Variants in CCT6B observed in about 807,000 individuals in gnomAD.
CCT6B encodes the protein probable T-complex protein 1 subunit zeta-2.
A neutral mutation model predicts 61.5 loss-of-function variants in CCT6B; 49 were observed. The observed-to-expected ratio is 0.80, with a 90% CI of 0.63 to 1.01. The LOEUF is 1.01. CCT6B is among the 50% of genes least tolerant of loss of function. The probability of loss-of-function intolerance (pLI) is 0.00; values close to 1 mark genes in which losing one functional copy is unlikely to be tolerated. For missense variants in CCT6B, 666 were observed against 634.7 expected, an observed-to-expected ratio of 1.05 and a Z score of -0.53; for synonymous variants, 228 against 214.5, an observed-to-expected ratio of 1.06 and a Z score of -0.55.
chr17:34,943,741 G>T (rs954697789), intron 5 of CCT6B: 2 of 150,016 alleles, frequency 1.3e-5, no homozygotes, highest in African/African-American at 4.9e-5. Flanking sequence ...TTGTGCACAT[G>T]TACTCTAAAA....
chr17:34,934,263 C>T (rs2090070349), intron 10 of CCT6B, among the ~76,000 whole-genome samples: 1 of 151,224 alleles, frequency 6.6e-6, no homozygotes, highest in Non-Finnish European at 1.5e-5. Flanking sequence ...AAATTTATAT[C>T]ACTACAGATT....
At chr17:34,943,369 C>T (rs562044112) in intron 5 of CCT6B, 1 of 152,352 alleles carries the variant, frequency 6.6e-6, no homozygotes, top group East Asian at 1.9e-4. Flanking sequence ...TTCTTAGGAA[C>T]ATTTATTCAA....
intron 3 of CCT6B, 39 bp downstream of exon 3, chr17:34,958,521 G>C: frequency 7.6e-7 from 1 of 1,307,362 alleles, no homozygotes; most frequent in East Asian, 2.7e-5. Flanking sequence ...AAAATAATTT[G>C]CCATTCAAAA....
chr17:34,945,739 G>C (rs2090216415), intron 5 of CCT6B, among the ~76,000 whole-genome samples: 1 of 152,062 alleles, frequency 6.6e-6, no homozygotes, highest in Non-Finnish European at 1.5e-5. Context: ...GCAATAGTAG[G>C]CTAACTGAGA....
intron 5 of CCT6B, among the ~76,000 whole-genome samples, chr17:34,945,275 T>C (rs2090210587): frequency 6.6e-6 from 1 of 152,240 alleles, no homozygotes; most frequent in African/African-American, 2.4e-5. Flanking sequence ...ATACTTCTAG[T>C]GCAGACCTCT....
Position 34,958,676 on chromosome 17 carries a change from C to T in CCT6B, c.220G>A (p.Ala74Thr), listed in dbSNP as rs1247945839. The T allele has an allele frequency of 1.9e-6, 3 of 1,597,182 alleles. No homozygotes were observed. Among genetic ancestry groups the T allele is most frequent in the Non-Finnish European group, 1.7e-6 (2 of 1,172,446 alleles). The change falls in exon 3 of 14, where the codon GCT becomes ACT. Residue 74 changes from alanine to threonine, a missense_variant. Ala to Thr is a moderately conservative substitution (Grantham distance 58). Transcript: ENST00000314144. ...GTTGCTACTTTTGCTATCAAGGAAGCTGTTGGATGTTGAATTTGCTGGAAA... is the reference window on the plus strand; with the variant it reads ...GTTGCTACTTTTGCTATCAAGGAAGTTGTTGGATGTTGAATTTGCTGGAAA... ...LDEMQIQHPT[A>T]SLIAKVATAQ...
Position 34,927,996 on chromosome 17 carries a change from G to A in CCT6B, c.*52C>T, listed in dbSNP as rs2089986964. ...TCAGGCTACACAATAGTAGTCAGAT[G>A]TAAAGTGTACTAAATTTCATCTTCT... On this transcript the variant is annotated 3_prime_UTR_variant, in exon 14 of 14. Transcript: ENST00000314144. 7.6e-7 allele frequency: 1 copy of A among 1,318,612 alleles called. No individual in the cohort carries two copies. The highest frequency in any genetic ancestry group is 2.3e-5 in the East Asian group (1 of 42,674). 81.7% of individuals were successfully genotyped at this position (1,318,612 alleles called of 1,614,324 possible).
At chr17:34,960,218 A>G (rs967436303) in intron 1 of CCT6B, among the ~76,000 whole-genome samples, 40 of 152,184 alleles carry the variant, frequency 2.6e-4, no homozygotes, top group African/African-American at 9.2e-4. Context: ...AAAGTCCTCC[A>G]ATGATTTTTA....
intron 3 of CCT6B, among the ~76,000 whole-genome samples, chr17:34,956,403 G>C (rs981859762): frequency 2.0e-5 from 3 of 152,128 alleles, no homozygotes; most frequent in Non-Finnish European, 4.4e-5. Flanking sequence ...AGTTCTTCCT[G>C]ACTACTTCAG....
chr17:34,947,166 G>T (rs1431649174), intron 5 of CCT6B, among the ~76,000 whole-genome samples: 1 of 152,036 alleles, frequency 6.6e-6, no homozygotes, highest in African/African-American at 2.4e-5. Flanking sequence ...AAGACAAAAA[G>T]TACATAAAAA....
chr17:34,942,318 C>T (rs1262426926), intron 7 of CCT6B, among the ~76,000 whole-genome samples, 166 bp downstream of exon 7: 1 of 151,916 alleles, frequency 6.6e-6, no homozygotes, highest in Non-Finnish European at 1.5e-5. Context: ...AGCATCATTG[C>T]AAATGTCAAC....
intron 5 of CCT6B, chr17:34,943,556 T>C (rs1283725420): frequency 6.6e-6 from 1 of 152,056 alleles, no homozygotes; most frequent in Non-Finnish European, 1.5e-5. Context: ...AGCATGCCTA[T>C]AACTGTTCTT....
chr17:34,937,250 T>C (rs1326723344), intron 10 of CCT6B, among the ~76,000 whole-genome samples: 1 of 151,962 alleles, frequency 6.6e-6, no homozygotes, highest in Non-Finnish European at 1.5e-5. Flanking sequence ...CATATGGAAA[T>C]GCCAAAGACT....
In CCT6B at chr17:34,961,420, A is replaced by C; in HGVS notation, c.-27T>G. On this transcript the variant is annotated 5_prime_UTR_variant, in exon 1 of 14. Transcript: ENST00000314144. ...GCCTAACCGTTCAGAGGGAGAAAAA[A>C]AAAAAGCCTTAGTCGCGATTCTGAG... The C allele has an allele frequency of 6.4e-7, 1 of 1,568,672 alleles. No homozygotes were observed. Among genetic ancestry groups the C allele is most frequent in the Non-Finnish European group, 8.6e-7 (1 of 1,164,196 alleles).
rs923119721 is a variant in CCT6B, at chr17:34,959,424, C to T, written c.201+163G>A. Among the ~76,000 whole-genome samples the T allele has an allele frequency of 1.8e-4, 27 of 151,832 alleles. 1 individual carries two copies. In the East Asian group the frequency reaches 5.2e-3, roughly 29 times the overall value. ...GGGATTACAGGAGTGAGCTACCACA[C>T]CCGGCCAAAAAAATTTTTTTATTGA... On this transcript the variant is annotated intron_variant, in intron 2 of 13. Coordinates refer to ENST00000314144, the MANE Select transcript of CCT6B (RefSeq NM_006584.4).
chr17:34,958,916 A>C (rs1460091946), intron 2 of CCT6B, among the ~76,000 whole-genome samples: 1 of 152,206 alleles, frequency 6.6e-6, no homozygotes, highest in African/African-American at 2.4e-5. Context: ...TTTGCTTCAG[A>C]ATGCAATGAC....
chr17:34,958,539 T>C, intron 3 of CCT6B, 21 bp downstream of exon 3: 1 of 1,454,588 alleles, frequency 6.9e-7, no homozygotes, highest in Non-Finnish European at 9.2e-7. Context: ...AAATAACATA[T>C]AAACTGTGAA....
intron 5 of CCT6B, among the ~76,000 whole-genome samples, chr17:34,949,106 G>GAAAAGAAAA (rs909196765): frequency 1.6e-5 from 1 of 62,398 alleles, no homozygotes; most frequent in Admixed American, 1.5e-4. Flanking sequence ...GAAAAGAAAA[G>GAAAAGAAAA]AGAAAAGAAA....
chr17:34,961,348 C>A lies in CCT6B; in HGVS notation c.46G>T (p.Ala16Ser). 6.2e-7 allele frequency: 1 copy of A among 1,612,202 alleles called. No individual in the cohort carries two copies. Among genetic ancestry groups the A allele is most frequent in the Non-Finnish European group, 8.5e-7 (1 of 1,179,926 alleles). Reference protein sequence around the residue: ...AVNSKAEVARARAALAVNICA... With the variant: ...AVNSKAEVARSRAALAVNICA... Reference sequence around the variant, plus strand: ...ATATTGACAGCCAAAGCTGCCCGGGCCCGCGCCACCTCAGCCTTGGAGTTG... The same window carrying A: ...ATATTGACAGCCAAAGCTGCCCGGGACCGCGCCACCTCAGCCTTGGAGTTG... Residue 16 changes from alanine (A) to serine (S), a missense_variant, in exon 1 of 14, where the codon GCC (alanine) becomes TCC (serine). Coordinates refer to ENST00000314144, the MANE Select transcript of CCT6B (RefSeq NM_006584.4).
Sources: gnomAD v4.1 joint callset for allele counts (sites outside exome capture counted in the v4.1 genomes callset) on GRCh38, gnomAD v4.1.1 for gene constraint, MANE v1.5 for transcripts, NCBI Gene and HGNC (gene_info 2026-07-23, HGNC 2026-07-21) for gene names.